ABCB4: variants seen among roughly 807,000 people sequenced by gnomAD.
ABCB4 encodes the protein phosphatidylcholine translocator ABCB4.
In ABCB4, 76 loss-of-function variants were observed where a neutral mutation model predicts 145.7. The observed-to-expected ratio is 0.52, with a 90% CI of 0.43 to 0.63. ABCB4 has a LOEUF of 0.63. Among genes scored for constraint, ABCB4 ranks in the 30% least tolerant of loss-of-function variants. The probability of loss-of-function intolerance (pLI) is 0.00; values close to 1 mark genes in which losing one functional copy is unlikely to be tolerated. For missense variants in ABCB4, 1,234 were observed against 1,553.1 expected (o/e 0.79, Z 3.45); for synonymous variants, 517 against 566.8 (o/e 0.91, Z 1.25).
chr7:87,423,893 T>A lies in ABCB4; in HGVS notation c.2211+13A>T, dbSNP rs770378939. The A allele has an allele frequency of 9.3e-6, 15 of 1,613,846 alleles. No homozygotes were observed. Among genetic ancestry groups the A allele is most frequent in the Non-Finnish European group, 1.3e-5 (15 of 1,179,896 alleles). ...ATCTAATTCAGGCTGTTATGTGGTG[T>A]TTGCAAACTTACCGCTATGATCTCT... On this transcript the variant is annotated intron_variant, in intron 17 of 27. Coordinates refer to ENST00000649586, the MANE Select transcript of ABCB4 (RefSeq NM_000443.4).
intron 25 of ABCB4, 79 bp downstream of exon 25, chr7:87,407,958 C>T: frequency 6.3e-7 from 1 of 1,576,394 alleles, no homozygotes; most frequent in Non-Finnish European, 8.7e-7. Flanking sequence ...TACATTTGTC[C>T]AATATTTTCC....
At chr7:87,382,049 A>AT in the ABCB4 span, 2 of 1,581,730 alleles carry the variant, frequency 1.3e-6, no homozygotes, top group Non-Finnish European at 1.7e-6. Context: ...TAGATAAAAT[A>AT]TTTTTAAGTC....
the ABCB4 span, chr7:87,369,605 C>T: frequency 1.9e-5 from 7 of 369,968 alleles, no homozygotes; most frequent in Non-Finnish European, 3.3e-5. Context: ...TTTATGCATG[C>T]TTTTTTAAAA....
intron 9 of ABCB4, among the ~76,000 whole-genome samples, chr7:87,445,430 C>A (rs996989285): frequency 2.6e-5 from 4 of 152,154 alleles, no homozygotes; most frequent in Non-Finnish European, 5.9e-5. Flanking sequence ...TAACAGTTTG[C>A]ACATCATAAA....
At chr7:87,431,587 G>GC (rs1562969011) in intron 14 of ABCB4, 22 bp from the exon 15 acceptor site, 1 of 1,613,886 alleles carries the variant, frequency 6.2e-7, no homozygotes, top group Admixed American at 1.7e-5. Flanking sequence ...AAAATGTGGT[G>GC]CATCAGGGTT....
chr7:87,413,897 T>C (rs1267173036), intron 21 of ABCB4, among the ~76,000 whole-genome samples, 180 bp from the exon 22 acceptor site: 2 of 152,232 alleles, frequency 1.3e-5, no homozygotes. Flanking sequence ...AAACTGGTAC[T>C]TCTGGCTGTG....
At chr7:87,383,551 A>G in the ABCB4 span, among the ~76,000 whole-genome samples, 5 of 148,918 alleles carry the variant, frequency 3.4e-5, no homozygotes, top group East Asian at 9.8e-4. Flanking sequence ...GTTGGAGTGC[A>G]GTGGCATGGT....
At chr7:87,413,793 T>C in intron 21 of ABCB4, 76 bp from the exon 22 acceptor site, 1 of 995,982 alleles carries the variant, frequency 1.0e-6, no homozygotes. Context: ...CCTAGGGCTC[T>C]GTCAAAAGTA....
the ABCB4 span, among the ~76,000 whole-genome samples, chr7:87,384,324 G>A: frequency 2.0e-5 from 3 of 152,136 alleles, no homozygotes; most frequent in Non-Finnish European, 4.4e-5. Context: ...CTGAGGTCAG[G>A]AGTTTGAGAC....
intron 18 of ABCB4, among the ~76,000 whole-genome samples, chr7:87,421,053 A>T (rs1365317597): frequency 1.3e-5 from 2 of 152,220 alleles, no homozygotes; most frequent in Non-Finnish European, 2.9e-5. Flanking sequence ...ATTGGGGAAC[A>T]ATCAGGGTAC....
the ABCB4 span, chr7:87,382,177 G>A: frequency 8.1e-6 from 13 of 1,602,536 alleles, no homozygotes; most frequent in South Asian, 6.7e-5. Context: ...CAGTATCTCA[G>A]GGAGGTATAT....
intron 15 of ABCB4, among the ~76,000 whole-genome samples, chr7:87,430,910 C>T (rs999489073): frequency 2.0e-5 from 3 of 152,148 alleles, no homozygotes; most frequent in Admixed American, 2.0e-4. Flanking sequence ...ATCTGGGAAA[C>T]AATTTTAGAT....
intron 26 of ABCB4, among the ~76,000 whole-genome samples, chr7:87,404,704 C>CA (rs113230186): frequency 0.011 from 1,614 of 152,074 alleles, 32 homozygotes; most frequent in African/African-American, 0.037. Flanking sequence ...AGAATATGGG[C>CA]AAACAACATG....
chr7:87,397,628 A>G (rs751151176), downstream of ABCB4, among the ~76,000 whole-genome samples: 2 of 152,202 alleles, frequency 1.3e-5, no homozygotes. Flanking sequence ...ATGATTCGTG[A>G]TCATGAATCA....
intron 4 of ABCB4, among the ~76,000 whole-genome samples, chr7:87,461,499 G>T (rs1458247778): frequency 6.6e-6 from 1 of 152,148 alleles, no homozygotes; most frequent in East Asian, 1.9e-4. Flanking sequence ...TATCACAGAA[G>T]ATAACATTAC....
intron 3 of ABCB4, among the ~76,000 whole-genome samples, chr7:87,467,510 T>C (rs541261967): frequency 5.3e-4 from 80 of 152,166 alleles, no homozygotes; most frequent in African/African-American, 1.8e-3. Context: ...AACAAGGATA[T>C]CCAGGAATTG....
At chr7:87,384,392 T>C in the ABCB4 span, among the ~76,000 whole-genome samples, 1 of 152,076 alleles carries the variant, frequency 6.6e-6, no homozygotes. Flanking sequence ...ATTAGCCTGA[T>C]GTAGGGGCAC....
At chr7:87,448,682 T>G (rs987631541) in intron 8 of ABCB4, 2 of 152,214 alleles carry the variant, frequency 1.3e-5, no homozygotes, top group African/African-American at 4.8e-5. Flanking sequence ...GAGGTCCAAC[T>G]GAGGGTTAGT....
intron 15 of ABCB4, among the ~76,000 whole-genome samples, chr7:87,427,914 G>A (rs773920571): frequency 6.6e-6 from 1 of 152,020 alleles, no homozygotes; most frequent in Non-Finnish European, 1.5e-5. Flanking sequence ...AACCAACCTA[G>A]GCTGCAGACT....
Sources: gnomAD v4.1 joint callset for allele counts (sites outside exome capture counted in the v4.1 genomes callset) on GRCh38, gnomAD v4.1.1 for gene constraint, MANE v1.5 for transcripts, NCBI Gene and HGNC (gene_info 2026-07-23, HGNC 2026-07-21) for gene names.